Variants in CFAP97 observed in about 807,000 individuals in gnomAD.
CFAP97 encodes cilia and flagella associated protein 97, also known as cilia- and flagella-associated protein 97.
CFAP97 carries 36 observed loss-of-function variants against 43.1 expected under a neutral mutation model. That is an observed-to-expected ratio of 0.84 (90% CI 0.64 to 1.10). The LOEUF is 1.10. Among genes scored for constraint, CFAP97 ranks in the 50% least tolerant of loss-of-function variants. CFAP97 has a pLI of 0.00. For missense variants in CFAP97, 657 were observed against 620.3 expected (o/e 1.06, Z -0.63); for synonymous variants, 228 against 225.7 (o/e 1.01, Z -0.09).
intron 3 of CFAP97, chr4:185,170,485 T>G: frequency 2.8e-6 from 1 of 359,316 alleles, no homozygotes. Context: ...CAACCTCTGC[T>G]TCCCGGGTTC....
chr4:185,202,902 G>A (rs1470257297), intron 1 of CFAP97, among the ~76,000 whole-genome samples: 1 of 151,998 alleles, frequency 6.6e-6, no homozygotes, highest in East Asian at 1.9e-4. Context: ...CATTTACTAC[G>A]AGGTAAGTGA....
chr4:185,187,751 T>A (rs1450811094), intron 2 of CFAP97, among the ~76,000 whole-genome samples: 1 of 151,210 alleles, frequency 6.6e-6, no homozygotes, highest in Non-Finnish European at 1.5e-5. Context: ...AACAGCATAC[T>A]AGACCAAATG....
At chr4:185,192,106 G>A (rs1032279245) in intron 1 of CFAP97, among the ~76,000 whole-genome samples, 3 of 152,184 alleles carry the variant, frequency 2.0e-5, no homozygotes, top group Non-Finnish European at 4.4e-5. Flanking sequence ...ACTGCAGTTA[G>A]GAAGGAAGAA....
intron 2 of CFAP97, among the ~76,000 whole-genome samples, chr4:185,176,443 T>C (rs1252233750): frequency 6.6e-6 from 1 of 152,100 alleles, no homozygotes; most frequent in East Asian, 1.9e-4. Context: ...CTTAAAAATA[T>C]GTATTAAATT....
chr4:185,182,016 T>C (rs1735811254), intron 2 of CFAP97, among the ~76,000 whole-genome samples: 1 of 152,220 alleles, frequency 6.6e-6, no homozygotes. Context: ...CAATCCCATT[T>C]CTTGTATTTA....
At chr4:185,209,859 C>G, upstream of CFAP97, 2 of 983,354 alleles carry the variant, frequency 2.0e-6, no homozygotes, top group Non-Finnish European at 2.4e-6. The surrounding 1 kb of genome is among the most constrained non-coding windows in gnomAD (Gnocchi z 5.2). Flanking sequence ...GTGGCGGCGC[C>G]GGCCCCAGCC....
chr4:185,166,300 C>A (rs773563059), intron 3 of CFAP97, among the ~76,000 whole-genome samples: 1 of 152,182 alleles, frequency 6.6e-6, no homozygotes, highest in Non-Finnish European at 1.5e-5. Flanking sequence ...TCTCTACCTG[C>A]AGTTTGTAAC....
intron 3 of CFAP97, among the ~76,000 whole-genome samples, chr4:185,165,648 T>A (rs1255989354): frequency 6.6e-6 from 1 of 152,238 alleles, no homozygotes; most frequent in Non-Finnish European, 1.5e-5. Flanking sequence ...GACTCATGAA[T>A]TCAGTCATAG....
At chr4:185,193,907 A>AATAAATAAATAAATAT (rs1379345103) in intron 1 of CFAP97, among the ~76,000 whole-genome samples, 1 of 151,940 alleles carries the variant, frequency 6.6e-6, no homozygotes, top group African/African-American at 2.4e-5. Flanking sequence ...TAAATAAATA[A>AATAAATAAATAAATAT]ATAAGGGAAT....
At chr4:185,178,536 C>T (rs1267593582) in intron 2 of CFAP97, among the ~76,000 whole-genome samples, 1 of 152,040 alleles carries the variant, frequency 6.6e-6, no homozygotes, top group Non-Finnish European at 1.5e-5. Context: ...TGAGCCACTG[C>T]ACCAGGCTGA....
At chr4:185,190,023 A>AT (rs1004845367) in intron 2 of CFAP97, 120 bp downstream of exon 2, 1 of 692,476 alleles carries the variant, frequency 1.4e-6, no homozygotes, top group African/African-American at 1.8e-5. Flanking sequence ...GTTACTAATA[A>AT]TATCAATCAT....
chr4:185,183,764 C>A (rs1393363149), intron 2 of CFAP97, among the ~76,000 whole-genome samples: 2 of 152,144 alleles, frequency 1.3e-5, no homozygotes, highest in African/African-American at 2.4e-5. Context: ...AACAGATGTA[C>A]CAACTGGCAA....
At chr4:185,189,821 C>T (rs1030823324) in intron 2 of CFAP97, among the ~76,000 whole-genome samples, 8 of 152,112 alleles carry the variant, frequency 5.3e-5, no homozygotes, top group South Asian at 2.1e-4. Flanking sequence ...GAAATATGTC[C>T]GTGTCTCTAT....
intron 2 of CFAP97, among the ~76,000 whole-genome samples, chr4:185,184,664 C>T (rs868088162): frequency 4.6e-5 from 7 of 152,168 alleles, no homozygotes; most frequent in Admixed American, 2.0e-4. Context: ...TGAAGTCTAG[C>T]GTGTCTTTGG....
At chr4:185,181,210 A>AG (rs916130128) in intron 2 of CFAP97, among the ~76,000 whole-genome samples, 5 of 151,154 alleles carry the variant, frequency 3.3e-5, no homozygotes, top group Non-Finnish European at 7.4e-5. Context: ...AGGAAGGCGG[A>AG]GGTTGCACTA....
intron 3 of CFAP97, among the ~76,000 whole-genome samples, chr4:185,165,001 G>C (rs922532183): frequency 1.3e-5 from 2 of 152,130 alleles, no homozygotes; most frequent in African/African-American, 4.8e-5. Context: ...GAGGGCCCTC[G>C]GGTCTTCCAC....
chr4:185,186,542 G>C (rs4861660), intron 2 of CFAP97, among the ~76,000 whole-genome samples: 150,713 of 152,334 alleles, frequency 0.99, 74,569 homozygotes, highest in Middle Eastern at 1. Context: ...TTTGCATATG[G>C]CATATTTTCT....
At chr4:185,169,463 G>A in intron 3 of CFAP97, 2 of 400,012 alleles carry the variant, frequency 5.0e-6, no homozygotes, top group Non-Finnish European at 6.8e-6. Flanking sequence ...AGTTTCCTGA[G>A]GCTTCTCCAG....
Position 185,192,758 on chromosome 4 carries a change from T to C in CFAP97, c.-16-1546A>G, listed in dbSNP as rs113854354. Among the ~76,000 whole-genome samples, 30 of 128,244 alleles carry C rather than the reference T, an allele frequency of 2.3e-4. 1 individual carries two copies. The highest frequency in any genetic ancestry group is 1.0e-3 in the South Asian group (4 of 4,004). The allele number at this position is 128,244 out of a possible 152,430, so 84.1% of individuals were successfully genotyped here. On this transcript the variant is annotated intron_variant, in intron 1 of 4. Transcript: ENST00000458385. ...CTTTTTTTTTTTTTTTTTTTTTTTT[T>C]GAGACGGAGTCTCGCTCTGTCACCC...
Sources: gnomAD v4.1 joint callset for allele counts (sites outside exome capture counted in the v4.1 genomes callset) on GRCh38, gnomAD v4.1.1 for gene constraint, Gnocchi (gnomAD v3.1) non-coding constraint, MANE v1.5 for transcripts, NCBI Gene and HGNC (gene_info 2026-07-23, HGNC 2026-07-21) for gene names.